RPS6KC1: variants seen among roughly 807,000 people sequenced by gnomAD.
The protein encoded by RPS6KC1 is inactive ribosomal protein S6 kinase delta-1.
A neutral mutation model predicts 103.8 loss-of-function variants in RPS6KC1; 54 were observed. That is an observed-to-expected ratio of 0.52 (90% CI 0.42 to 0.65). The LOEUF is 0.65. Among genes scored for constraint, RPS6KC1 ranks in the 30% least tolerant of loss-of-function variants. The pLI is 0.00. For missense variants in RPS6KC1, 1,151 were observed against 1,253.8 expected (o/e 0.92, Z 1.24); for synonymous variants, 439 against 438.7 (o/e 1.00, Z -0.01).
the RPS6KC1 span, among the ~76,000 whole-genome samples, chr1:213,758,917 T>G: frequency 4.0e-4 from 61 of 151,044 alleles, 1 homozygote; most frequent in Non-Finnish European, 5.9e-5. Context: ...AGATTTAGAA[T>G]ATTTGTTCTA....
At chr1:213,230,354 C>A in intron 8 of RPS6KC1, 143 bp from the exon 9 acceptor site, 1 of 459,416 alleles carries the variant, frequency 2.2e-6, no homozygotes, top group Non-Finnish European at 3.8e-6. Flanking sequence ...AATTTGCTGA[C>A]TTAAAAAAAT....
At chr1:213,106,801 T>C (rs2082543292) in intron 4 of RPS6KC1, among the ~76,000 whole-genome samples, 1 of 152,222 alleles carries the variant, frequency 6.6e-6, no homozygotes, top group African/African-American at 2.4e-5. Context: ...GTTTTATCTA[T>C]ACCTTTCCAT....
At chr1:213,355,622 T>C in the RPS6KC1 span, among the ~76,000 whole-genome samples, 1 of 152,214 alleles carries the variant, frequency 6.6e-6, no homozygotes, top group African/African-American at 2.4e-5. Context: ...AAGCTTTAAT[T>C]ACCTAAACTT....
chr1:213,396,372 C>T, the RPS6KC1 span, among the ~76,000 whole-genome samples: 1 of 152,220 alleles, frequency 6.6e-6, no homozygotes, highest in Non-Finnish European at 1.5e-5. Flanking sequence ...GTCTCTCCCT[C>T]TCTAGGCTTC....
chr1:213,463,592 G>A, the RPS6KC1 span, among the ~76,000 whole-genome samples: 5 of 152,132 alleles, frequency 3.3e-5, no homozygotes, highest in Admixed American at 1.3e-4. Context: ...TCTCCCTAGC[G>A]CAGTACATGT....
the RPS6KC1 span, among the ~76,000 whole-genome samples, chr1:213,614,176 C>T: frequency 6.6e-6 from 1 of 152,244 alleles, no homozygotes; most frequent in Admixed American, 6.5e-5. Context: ...AGTGGCTCAC[C>T]CAAAGTCACA....
the RPS6KC1 span, among the ~76,000 whole-genome samples, chr1:213,646,364 T>C: frequency 6.6e-6 from 1 of 151,736 alleles, no homozygotes; most frequent in Non-Finnish European, 1.5e-5. Flanking sequence ...GAGACAGGAG[T>C]GTGGCCTGTA....
At chr1:213,073,675 T>A (rs1449049701) in intron 2 of RPS6KC1, among the ~76,000 whole-genome samples, 1 of 151,876 alleles carries the variant, frequency 6.6e-6, no homozygotes, top group Non-Finnish European at 1.5e-5. Context: ...TTATTATTTA[T>A]ATTATTTATT....
intron 1 of RPS6KC1, among the ~76,000 whole-genome samples, chr1:213,066,238 G>C (rs2078320042): frequency 6.6e-6 from 1 of 152,114 alleles, no homozygotes; most frequent in East Asian, 1.9e-4. Flanking sequence ...AATACCAGGG[G>C]GCAGAAGGAT....
At chr1:213,733,811 A>G in the RPS6KC1 span, among the ~76,000 whole-genome samples, 3 of 152,190 alleles carry the variant, frequency 2.0e-5, no homozygotes, top group Admixed American at 2.0e-4. Context: ...TAAGGCTTCT[A>G]TGAGAGAGTG....
chr1:213,434,857 T>C, the RPS6KC1 span, among the ~76,000 whole-genome samples: 1 of 152,216 alleles, frequency 6.6e-6, no homozygotes, highest in Non-Finnish European at 1.5e-5. Context: ...ATGTGCCTTG[T>C]TGTATTTTTT....
chr1:213,089,282 T>A (rs926874555), intron 3 of RPS6KC1, among the ~76,000 whole-genome samples: 15 of 152,214 alleles, frequency 9.9e-5, no homozygotes, highest in African/African-American at 2.9e-4. Context: ...TGTGACTGCC[T>A]GCTTTTGGCC....
the RPS6KC1 span, among the ~76,000 whole-genome samples, chr1:213,514,138 A>G: frequency 3.9e-5 from 6 of 152,310 alleles, no homozygotes; most frequent in South Asian, 1.0e-3. Context: ...TCATTTTAAT[A>G]TCTTTGTGAC....
At position 213,104,506 on chromosome 1, in the gene RPS6KC1, G is replaced by T. The variant is rs201673972; in HGVS notation, c.315G>T (p.Leu105=). ...AGAGAAGACAATGTGCTGAAGACCT[G>T]CTACAGTTCTCTGCCAATATTCCTG... ...IEERRQCAED[L]LQFSANIPAL... is the part of the protein sequence containing the mutation. Residue 105 remains leucine (L), a synonymous_variant, in exon 4 of 15, where the codon CTG becomes CTT. Coordinates refer to ENST00000366960, the MANE Select transcript of RPS6KC1 (RefSeq NM_012424.6). 1.9e-6 allele frequency: 3 copies of T among 1,612,792 alleles called. No individual in the cohort carries two copies. Among genetic ancestry groups the T allele is most frequent in the Non-Finnish European group, 2.5e-6 (3 of 1,179,184 alleles).
At chr1:213,287,574 A>T in the RPS6KC1 span, among the ~76,000 whole-genome samples, 1 of 151,314 alleles carries the variant, frequency 6.6e-6, no homozygotes, top group Non-Finnish European at 1.5e-5. Flanking sequence ...CAAGGAAAGG[A>T]TTTTTTTTTG....
At chr1:213,105,624 AT>A (rs1169047418) in intron 4 of RPS6KC1, among the ~76,000 whole-genome samples, 2 of 152,196 alleles carry the variant, frequency 1.3e-5, no homozygotes, top group African/African-American at 4.8e-5. Context: ...AATAGAAATA[AT>A]GATAGTAATA....
At chr1:213,321,886 G>C in the RPS6KC1 span, among the ~76,000 whole-genome samples, 1 of 152,174 alleles carries the variant, frequency 6.6e-6, no homozygotes, top group Non-Finnish European at 1.5e-5. Flanking sequence ...TGGAGAAAGA[G>C]CTTTCTAGGC....
chr1:213,167,625 A>G (rs1644693558), intron 6 of RPS6KC1, among the ~76,000 whole-genome samples: 3 of 152,192 alleles, frequency 2.0e-5, no homozygotes, highest in Admixed American at 2.0e-4. Flanking sequence ...AAATACATCA[A>G]ATTATCAATA....
the RPS6KC1 span, among the ~76,000 whole-genome samples, chr1:213,528,615 C>T: frequency 6.6e-6 from 1 of 152,194 alleles, no homozygotes; most frequent in African/African-American, 2.4e-5. Flanking sequence ...CCTCATTCTG[C>T]TCCTTCCACT....
Sources: allele counts gnomAD v4.1 joint callset (sites outside exome capture counted in the v4.1 genomes callset), GRCh38; gene constraint gnomAD v4.1.1; transcripts MANE v1.5; gene names NCBI Gene and HGNC (gene_info 2026-07-23, HGNC 2026-07-21).